RPS6KC1: variants seen among roughly 807,000 people sequenced by gnomAD.
The protein encoded by RPS6KC1 is inactive ribosomal protein S6 kinase delta-1.
A neutral mutation model predicts 103.8 loss-of-function variants in RPS6KC1; 54 were observed. The observed-to-expected ratio is 0.52, with a 90% CI of 0.42 to 0.65. The LOEUF (loss-of-function observed/expected upper bound fraction) is 0.65, where lower values mean the gene tolerates loss of function less well. Among genes scored for constraint, RPS6KC1 ranks in the 30% least tolerant of loss-of-function variants. The probability of loss-of-function intolerance (pLI) is 0.00; values close to 1 mark genes in which losing one functional copy is unlikely to be tolerated. For synonymous variants in RPS6KC1, 439 were observed against 438.7 expected, an observed-to-expected ratio of 1.00 and a Z score of -0.01; for missense variants, 1,151 against 1,253.8, an observed-to-expected ratio of 0.92 and a Z score of 1.24.
chr1:213,127,110 C>T (rs943172195), intron 5 of RPS6KC1, among the ~76,000 whole-genome samples: 4 of 152,098 alleles, frequency 2.6e-5, no homozygotes, highest in African/African-American at 9.6e-5. Context: ...TGGTATAGAT[C>T]ACTGGCTCTC....
chr1:213,390,254 G>A, the RPS6KC1 span, among the ~76,000 whole-genome samples: 1 of 152,172 alleles, frequency 6.6e-6, no homozygotes, highest in African/African-American at 2.4e-5. Context: ...CCAATAGTTG[G>A]ATGGCGAGGG....
At chr1:213,532,516 G>T in the RPS6KC1 span, among the ~76,000 whole-genome samples, 1 of 152,174 alleles carries the variant, frequency 6.6e-6, no homozygotes, top group Non-Finnish European at 1.5e-5. Flanking sequence ...GATAAAGAAG[G>T]ACAAGAAAGG....
intron 12 of RPS6KC1, among the ~76,000 whole-genome samples, chr1:213,260,524 A>G (rs2094761422): frequency 1.3e-5 from 2 of 152,220 alleles, no homozygotes; most frequent in South Asian, 4.1e-4. Flanking sequence ...TTGACTAAGC[A>G]TTGGTTAAAA....
intron 3 of RPS6KC1, among the ~76,000 whole-genome samples, chr1:213,086,202 G>A (rs766363599): frequency 1.2e-4 from 19 of 152,152 alleles, no homozygotes; most frequent in Non-Finnish European, 2.4e-4. Context: ...GTAGGGTTTT[G>A]GTGTGCTTCC....
At chr1:213,300,135 C>T in the RPS6KC1 span, among the ~76,000 whole-genome samples, 4 of 152,176 alleles carry the variant, frequency 2.6e-5, no homozygotes, top group African/African-American at 9.7e-5. Context: ...TGCTGAATTT[C>T]CAATAGTTAA....
Position 213,078,272 on chromosome 1 carries a change from G to A in RPS6KC1, c.262+456G>A, listed in dbSNP as rs115863737. 2.8e-3 allele frequency among the ~76,000 whole-genome samples: 405 copies of A among 143,752 alleles called. 4 individuals are homozygous for A. The highest frequency in any genetic ancestry group is 9.8e-3 in the African/African-American group (387 of 39,368). The allele number at this position is 143,752 out of a possible 152,430, so 94.3% of individuals were successfully genotyped here. On this transcript the variant is annotated intron_variant, in intron 3 of 14. Coordinates refer to ENST00000366960, the MANE Select transcript of RPS6KC1 (RefSeq NM_012424.6). ...TGCCTCATCAGTTTTCAAATACCTA[G>A]GTAACAGTATTTTATATTAAAGTTT...
At chr1:213,615,481 C>T in the RPS6KC1 span, among the ~76,000 whole-genome samples, 14 of 152,378 alleles carry the variant, frequency 9.2e-5, no homozygotes, top group African/African-American at 3.4e-4. Context: ...AAGAAGAGTG[C>T]CACCTCCTCT....
the RPS6KC1 span, among the ~76,000 whole-genome samples, chr1:213,814,207 G>C: frequency 6.6e-6 from 1 of 152,212 alleles, no homozygotes; most frequent in African/African-American, 2.4e-5. Flanking sequence ...CTTCTGCTCT[G>C]CAATACTCCT....
the RPS6KC1 span, among the ~76,000 whole-genome samples, chr1:213,728,966 A>C: frequency 2.0e-4 from 5 of 25,288 alleles, no homozygotes; most frequent in African/African-American, 1.7e-4. Flanking sequence ...TTTTTTTTTT[A>C]CCAGTGGACG....
At chr1:213,286,600 A>C in the RPS6KC1 span, among the ~76,000 whole-genome samples, 1 of 152,272 alleles carries the variant, frequency 6.6e-6, no homozygotes, top group East Asian at 1.9e-4. Flanking sequence ...TCAAGCATTT[A>C]TCCTGATTTT....
At chr1:213,308,005 T>C in the RPS6KC1 span, among the ~76,000 whole-genome samples, 8 of 152,070 alleles carry the variant, frequency 5.3e-5, no homozygotes, top group South Asian at 2.1e-4. Flanking sequence ...TACTGGGCTA[T>C]GGCCAAATTT....
At chr1:213,694,662 A>G in the RPS6KC1 span, among the ~76,000 whole-genome samples, 3 of 152,154 alleles carry the variant, frequency 2.0e-5, no homozygotes, top group Non-Finnish European at 2.9e-5. Context: ...CAAATTCTAT[A>G]TCATCTGGAT....
At chr1:213,720,019 C>A in the RPS6KC1 span, among the ~76,000 whole-genome samples, 1 of 152,126 alleles carries the variant, frequency 6.6e-6, no homozygotes, top group Non-Finnish European at 1.5e-5. Context: ...TCTTTCCCCA[C>A]ACTTTTAGTA....
the RPS6KC1 span, among the ~76,000 whole-genome samples, chr1:213,423,309 A>G: frequency 6.6e-6 from 1 of 152,160 alleles, no homozygotes; most frequent in Non-Finnish European, 1.5e-5. Context: ...TCTGCCAGAA[A>G]AATTCTGGCC....
At chr1:213,842,643 T>C in the RPS6KC1 span, among the ~76,000 whole-genome samples, 1 of 152,236 alleles carries the variant, frequency 6.6e-6, no homozygotes, top group African/African-American at 2.4e-5. Context: ...TCTTCAGACA[T>C]TGAAAAATGC....
the RPS6KC1 span, among the ~76,000 whole-genome samples, chr1:213,498,609 C>G: frequency 1.3e-5 from 2 of 151,830 alleles, no homozygotes; most frequent in African/African-American, 2.4e-5. Flanking sequence ...CGCCTGCCAC[C>G]ATGCCTGGCT....
the RPS6KC1 span, among the ~76,000 whole-genome samples, chr1:213,531,434 A>G: frequency 6.6e-6 from 1 of 152,176 alleles, no homozygotes; most frequent in African/African-American, 2.4e-5. Flanking sequence ...GTCCAATTTC[A>G]TTATTGTAAC....
chr1:213,468,447 T>A, the RPS6KC1 span, among the ~76,000 whole-genome samples: 3 of 152,180 alleles, frequency 2.0e-5, no homozygotes, highest in Non-Finnish European at 4.4e-5. Context: ...TGGAAAAGCA[T>A]GAAGGACTCT....
chr1:213,827,100 T>A, the RPS6KC1 span, among the ~76,000 whole-genome samples: 1 of 152,180 alleles, frequency 6.6e-6, no homozygotes, highest in Non-Finnish European at 1.5e-5. Context: ...GCCTTTTGCA[T>A]ATGTGTGACT....
Sources: allele counts gnomAD v4.1 joint callset (sites outside exome capture counted in the v4.1 genomes callset), GRCh38; gene constraint gnomAD v4.1.1; transcripts MANE v1.5; gene names NCBI Gene and HGNC (gene_info 2026-07-23, HGNC 2026-07-21).